The following PRKAG2 variants were observed in gnomAD, a reference collection of about 807,000 sequenced individuals.
PRKAG2 encodes 5'-AMP-activated protein kinase subunit gamma-2.
Under a neutral mutation model 69.6 loss-of-function variants are expected in PRKAG2, and 26 were observed. The ratio of observed to expected loss-of-function variants is 0.37; its 90% CI spans 0.27 to 0.52. PRKAG2 has a LOEUF of 0.52. Among genes scored for constraint, PRKAG2 ranks in the 20% least tolerant of loss-of-function variants. The pLI, the probability that PRKAG2 is intolerant of heterozygous loss-of-function variation, is 0.90. For missense variants in PRKAG2, 557 were observed against 740.0 expected (o/e 0.75, Z 2.87); for synonymous variants, 293 against 285.0 (o/e 1.03, Z -0.28).
Position 151,865,790 on chromosome 7 carries a change from C to T in PRKAG2, c.114+10717G>A, listed in dbSNP as rs184178196. Among the ~76,000 whole-genome samples, 1,018 of 152,210 alleles carry T rather than the reference C, an allele frequency of 6.7e-3. 10 individuals carry two copies. The highest frequency in any genetic ancestry group is 0.011 in the African/African-American group (454 of 41,552). The stretch of plus-strand genomic sequence containing the variant: ...ATCCCAGCACTTTGGGAGGCCAAGG[C>T]GGGCGGATCATGAGGTCAGGAGATT... On this transcript the variant is annotated intron_variant, in intron 1 of 15. Coordinates refer to ENST00000287878, the MANE Select transcript of PRKAG2 (RefSeq NM_016203.4).
Position 151,777,152 on chromosome 7 carries a change from C to A in PRKAG2, c.466+4000G>T, listed in dbSNP as rs559419156. ...AGCTTCCTCCTGTGCAGACCACAGG[C>A]CCCAATGGAAGGGGCCATGGCCAGG... On this transcript the variant is annotated intron_variant, in intron 3 of 15. Transcript: ENST00000287878. This position sits in a 1 kb window ranked among gnomAD's most constrained non-coding sequence, Gnocchi z 4.3. 6.6e-6 allele frequency among the ~76,000 whole-genome samples: 1 copy of A among 152,178 alleles called. No homozygotes were observed. Among genetic ancestry groups the A allele is most frequent in the Non-Finnish European group, 1.5e-5 (1 of 68,014 alleles).
chr7:151,790,244 T>C (rs531146408), intron 1 of PRKAG2, among the ~76,000 whole-genome samples: 1 of 152,304 alleles, frequency 6.6e-6, no homozygotes, highest in East Asian at 1.9e-4. Context: ...TTGCTCTTCC[T>C]GCTCCGTGTC....
chr7:151,833,207 G>A (rs968057854), intron 1 of PRKAG2, among the ~76,000 whole-genome samples: 2 of 152,200 alleles, frequency 1.3e-5, no homozygotes, highest in Non-Finnish European at 2.9e-5. Context: ...GTCACGGAAG[G>A]CCTCGTGGAG....
intron 5 of PRKAG2, among the ~76,000 whole-genome samples, chr7:151,618,784 A>G (rs767079063): frequency 1.3e-5 from 2 of 152,210 alleles, no homozygotes; most frequent in Non-Finnish European, 2.9e-5. Flanking sequence ...AATAAAATAA[A>G]AACCCCTAAG....
chr7:151,571,118 C>T (rs963258301), intron 9 of PRKAG2, among the ~76,000 whole-genome samples: 1 of 147,520 alleles, frequency 6.8e-6, no homozygotes, highest in Admixed American at 6.9e-5. Flanking sequence ...GTTGCCCAGG[C>T]TGGAGTACAG....
At position 151,697,419 on chromosome 7, in the gene PRKAG2, C is replaced by T. The variant is rs1394003852; in HGVS notation, c.467-21782G>A. On this transcript the variant is annotated intron_variant, in intron 3 of 15. Coordinates refer to ENST00000287878, the MANE Select transcript of PRKAG2 (RefSeq NM_016203.4). ...CGAGCCCGGGAGCCCTCTGAGGAGG[C>T]TCTGCCACCACCTGTGGGACAGCAG... 4.6e-5 allele frequency among the ~76,000 whole-genome samples: 7 copies of T among 152,194 alleles called. No individual in the cohort carries two copies. The South Asian group carries it at 6.2e-4, about 14-fold the overall frequency.
chr7:151,644,438 A>G (rs142797629), intron 4 of PRKAG2, among the ~76,000 whole-genome samples: 3 of 152,322 alleles, frequency 2.0e-5, no homozygotes, highest in Non-Finnish European at 4.4e-5. Context: ...GGAATCATAC[A>G]GTATATGTGC....
intron 6 of PRKAG2, among the ~76,000 whole-genome samples, chr7:151,581,261 A>C (rs1262458534): frequency 1.3e-5 from 2 of 152,242 alleles, no homozygotes; most frequent in East Asian, 3.8e-4. Flanking sequence ...CATGAAATGA[A>C]AATGGACTAA....
intron 1 of PRKAG2, among the ~76,000 whole-genome samples, chr7:151,811,815 G>A (rs1397621819): frequency 6.6e-6 from 1 of 152,192 alleles, no homozygotes; most frequent in African/African-American, 2.4e-5. Flanking sequence ...AAGAGCTAAA[G>A]GTAGGTTTTC....
intron 3 of PRKAG2, among the ~76,000 whole-genome samples, chr7:151,729,630 A>T (rs1798598782): frequency 6.6e-6 from 1 of 152,026 alleles, no homozygotes; most frequent in Non-Finnish European, 1.5e-5. Context: ...GGTCCACAAG[A>T]GGGGCATACA....
intron 5 of PRKAG2, among the ~76,000 whole-genome samples, chr7:151,610,676 CAAAAACA>C (rs905067978): frequency 1.4e-5 from 2 of 148,130 alleles, no homozygotes; most frequent in Admixed American, 6.7e-5. Context: ...GACTCCATCT[CAAAAACA>C]AAAAACAAAA....
At chr7:151,634,243 A>C (rs1258815556) in intron 4 of PRKAG2, among the ~76,000 whole-genome samples, 1 of 152,244 alleles carries the variant, frequency 6.6e-6, no homozygotes, top group Non-Finnish European at 1.5e-5. Flanking sequence ...GGAGGTGTAA[A>C]AGCAATAGAA....
At chr7:151,755,098 G>A (rs1013989664) in intron 3 of PRKAG2, among the ~76,000 whole-genome samples, 9 of 152,150 alleles carry the variant, frequency 5.9e-5, no homozygotes, top group African/African-American at 1.9e-4. Context: ...TGTCCTGAGC[G>A]GGGGTCGGGG....
chr7:151,759,033 G>A (rs974532721), intron 3 of PRKAG2, among the ~76,000 whole-genome samples: 3 of 152,034 alleles, frequency 2.0e-5, no homozygotes, highest in African/African-American at 4.8e-5. Context: ...GCATCCGATC[G>A]ACATCCGATG....
chr7:151,728,784 C>T (rs989345620), intron 3 of PRKAG2, among the ~76,000 whole-genome samples: 11 of 152,156 alleles, frequency 7.2e-5, no homozygotes, highest in Non-Finnish European at 2.9e-5. Flanking sequence ...TGATGAGCGC[C>T]CCTGGGAGAG....
chr7:151,763,293 C>T (rs2075539211), intron 3 of PRKAG2, among the ~76,000 whole-genome samples: 1 of 152,280 alleles, frequency 6.6e-6, no homozygotes, highest in Non-Finnish European at 1.5e-5. Context: ...CCCTCCTCAC[C>T]TCTGTGTCTC....
chr7:151,590,679 G>T (rs780340579), intron 6 of PRKAG2, among the ~76,000 whole-genome samples: 1 of 152,234 alleles, frequency 6.6e-6, no homozygotes, highest in Non-Finnish European at 1.5e-5. Context: ...CTGGGGACAG[G>T]TTTCCGCATG....
At chr7:151,692,884 C>T (rs778194901) in intron 3 of PRKAG2, among the ~76,000 whole-genome samples, 29 of 152,028 alleles carry the variant, frequency 1.9e-4, no homozygotes, top group Admixed American at 1.3e-3. Flanking sequence ...CGGGGGAGTG[C>T]GAGGGGGAAG....
chr7:151,692,566 A>T (rs376647452), intron 3 of PRKAG2, among the ~76,000 whole-genome samples: 1 of 151,374 alleles, frequency 6.6e-6, no homozygotes, highest in African/African-American at 2.4e-5. Context: ...AGAATAGCAC[A>T]TTTTTTTTTA....
Sources: gnomAD v4.1 joint callset for allele counts (sites outside exome capture counted in the v4.1 genomes callset) on GRCh38, gnomAD v4.1.1 for gene constraint, Gnocchi (gnomAD v3.1) non-coding constraint, MANE v1.5 for transcripts, NCBI Gene and HGNC (gene_info 2026-07-23, HGNC 2026-07-21) for gene names.